Variants in KCNIP4 observed in about 807,000 individuals in gnomAD.
The protein encoded by KCNIP4 is Kv channel-interacting protein 4.
In KCNIP4, 12 loss-of-function variants were observed where a neutral mutation model predicts 34.0. The observed-to-expected ratio is 0.35, with a 90% CI of 0.23 to 0.57. The LOEUF is 0.57. KCNIP4 is among the 20% of genes least tolerant of loss of function. The probability of loss-of-function intolerance (pLI) is 0.83; values close to 1 mark genes in which losing one functional copy is unlikely to be tolerated. For synonymous variants in KCNIP4, 124 were observed against 102.2 expected, an observed-to-expected ratio of 1.21 and a Z score of -1.29; for missense variants, 238 against 311.7, an observed-to-expected ratio of 0.76 and a Z score of 1.78.
At position 21,159,451 on chromosome 4, in the gene KCNIP4, G is replaced by A. The variant is rs1403140400; in HGVS notation, c.62-276742C>T. On this transcript the variant is annotated intron_variant, in intron 1 of 8. Transcript: ENST00000382152. Reference sequence around the variant, plus strand: ...CCGGTCTACAGCTCCCAGCGTGAGCGACGCAGAAGACGGTGATTTCTGCAT... The same window carrying A: ...CCGGTCTACAGCTCCCAGCGTGAGCAACGCAGAAGACGGTGATTTCTGCAT... Among the ~76,000 whole-genome samples the A allele has an allele frequency of 2.0e-4, 4 of 20,456 alleles. 2 individuals carry two copies. Among genetic ancestry groups the A allele is most frequent in the African/African-American group, 8.6e-4 (2 of 2,330 alleles). 13.4% of individuals were successfully genotyped at this position (20,456 alleles called of 152,430 possible). A position where few individuals can be genotyped will look rare whatever the true frequency, so the allele number is the denominator to read the frequency against.
At chr4:21,188,317 G>C (rs558495293) in intron 1 of KCNIP4, among the ~76,000 whole-genome samples, 2 of 152,204 alleles carry the variant, frequency 1.3e-5, no homozygotes, top group East Asian at 3.9e-4. Context: ...GCCATATCCT[G>C]CTTTTTACTC....
chr4:21,653,044 T>C (rs1747632330), intron 1 of KCNIP4, among the ~76,000 whole-genome samples: 1 of 152,208 alleles, frequency 6.6e-6, no homozygotes, highest in Non-Finnish European at 1.5e-5. Context: ...GGCTACAGAC[T>C]TCAAGAGCAC....
chr4:21,513,075 C>A (rs1480335066), intron 1 of KCNIP4, among the ~76,000 whole-genome samples: 7 of 152,190 alleles, frequency 4.6e-5, no homozygotes, highest in Non-Finnish European at 8.8e-5. Context: ...ATTCCACCTC[C>A]ACTCACCTGA....
chr4:21,626,443 G>T (rs1010776042), intron 1 of KCNIP4, among the ~76,000 whole-genome samples: 32 of 151,580 alleles, frequency 2.1e-4, no homozygotes, highest in Non-Finnish European at 1.6e-4. Flanking sequence ...CACACAGCAA[G>T]ATGGCAGCCA....
chr4:21,922,981 A>T (rs1729016946), intron 1 of KCNIP4, among the ~76,000 whole-genome samples: 1 of 152,204 alleles, frequency 6.6e-6, no homozygotes, highest in Non-Finnish European at 1.5e-5. Flanking sequence ...CAAGTATCTT[A>T]TGTGATTCAA....
intron 1 of KCNIP4, among the ~76,000 whole-genome samples, chr4:21,530,590 G>A (rs76115955): frequency 0.036 from 5,553 of 152,194 alleles, 280 homozygotes; most frequent in East Asian, 0.22. Context: ...GGAAGGCAAC[G>A]CATAGACCAT....
rs559206165 is a variant in KCNIP4 at position 20,980,537 on chromosome 4, AC to A, written c.62-97829del. ...CTAAAACAAATAACTGTTTCTCTTA[AC>A]CCTTTTCTATCTGTGTCTAATTCTA... On this transcript the variant is annotated intron_variant, in intron 1 of 8. Transcript: ENST00000382152. Among the ~76,000 whole-genome samples, 4 of 152,250 alleles carry A rather than the reference AC, an allele frequency of 2.6e-5. No homozygotes were observed. The South Asian group carries it at 8.3e-4, about 32-fold the overall frequency.
chr4:20,819,416 A>G (rs932716783), intron 3 of KCNIP4, among the ~76,000 whole-genome samples: 1 of 152,180 alleles, frequency 6.6e-6, no homozygotes, highest in Non-Finnish European at 1.5e-5. Context: ...CAATGGAACT[A>G]TGGCACTATG....
At chr4:21,233,426 A>G (rs1467589667) in intron 1 of KCNIP4, among the ~76,000 whole-genome samples, 1 of 152,104 alleles carries the variant, frequency 6.6e-6, no homozygotes, top group Admixed American at 6.6e-5. Flanking sequence ...AATACGAGGC[A>G]TTAAGAAGCA....
chr4:21,898,254 C>T (rs186689874), intron 1 of KCNIP4, among the ~76,000 whole-genome samples: 1 of 152,234 alleles, frequency 6.6e-6, no homozygotes, highest in Non-Finnish European at 1.5e-5. Flanking sequence ...CTGTGCTGGG[C>T]TTGGAGTCAG....
chr4:20,789,772 C>A (rs536966630), intron 3 of KCNIP4, among the ~76,000 whole-genome samples: 3 of 151,126 alleles, frequency 2.0e-5, no homozygotes, highest in African/African-American at 7.3e-5. Context: ...ATCATCCAGG[C>A]TCCAGCTGAT....
chr4:20,898,390 G>A (rs1328130828), intron 1 of KCNIP4, among the ~76,000 whole-genome samples: 1 of 152,126 alleles, frequency 6.6e-6, no homozygotes, highest in Non-Finnish European at 1.5e-5. Flanking sequence ...AACTAACAGA[G>A]CTAACCACAT....
At chr4:20,733,992 G>C (rs1015121135) in intron 6 of KCNIP4, among the ~76,000 whole-genome samples, 1 of 152,134 alleles carries the variant, frequency 6.6e-6, no homozygotes, top group Non-Finnish European at 1.5e-5. Flanking sequence ...GGGAAGTCTC[G>C]TGAGGCAAAG....
intron 1 of KCNIP4, among the ~76,000 whole-genome samples, chr4:20,908,881 T>G (rs1489878821): frequency 1.3e-5 from 2 of 152,258 alleles, no homozygotes; most frequent in Non-Finnish European, 2.9e-5. Flanking sequence ...AAAAGTGCTT[T>G]ATTTACTCAG....
chr4:21,523,505 T>A (rs542386796), intron 1 of KCNIP4, among the ~76,000 whole-genome samples: 1 of 152,280 alleles, frequency 6.6e-6, no homozygotes, highest in African/African-American at 2.4e-5. Flanking sequence ...CTCATCTTTT[T>A]CTTTTCTCGT....
intron 1 of KCNIP4, among the ~76,000 whole-genome samples, chr4:21,857,191 C>T (rs1040654728): frequency 6.6e-6 from 1 of 152,224 alleles, no homozygotes; most frequent in Non-Finnish European, 1.5e-5. Context: ...TCAGCATACA[C>T]TTCCTCTCCT....
intron 1 of KCNIP4, among the ~76,000 whole-genome samples, chr4:21,424,891 C>A (rs146662304): frequency 6.6e-6 from 1 of 152,326 alleles, no homozygotes; most frequent in African/African-American, 2.4e-5. Context: ...GTTGGACAAT[C>A]CTGTCCCCAA....
At chr4:21,459,471 C>G (rs762226435) in intron 1 of KCNIP4, among the ~76,000 whole-genome samples, 16 of 151,998 alleles carry the variant, frequency 1.1e-4, no homozygotes, top group Non-Finnish European at 1.9e-4. Context: ...TCCAGTTTGT[C>G]TGCACTCACA....
At chr4:21,908,754 A>G (rs1400643594) in intron 1 of KCNIP4, among the ~76,000 whole-genome samples, 2 of 152,178 alleles carry the variant, frequency 1.3e-5, no homozygotes, top group East Asian at 3.9e-4. Flanking sequence ...TTATTTCTAC[A>G]GTGTCTTATT....
Sources: gnomAD v4.1 joint callset for allele counts (sites outside exome capture counted in the v4.1 genomes callset) on GRCh38, gnomAD v4.1.1 for gene constraint, MANE v1.5 for transcripts, NCBI Gene and HGNC (gene_info 2026-07-23, HGNC 2026-07-21) for gene names.